Variants in ACYP2 observed in about 807,000 individuals in gnomAD.
ACYP2 encodes the protein acylphosphatase 2, also known as acylphosphatase-2.
In ACYP2, 12 loss-of-function variants were observed where a neutral mutation model predicts 11.2. That is an observed-to-expected ratio of 1.08 (90% confidence interval 0.69 to 1.74). The LOEUF is 1.74. Ranked by LOEUF, ACYP2 falls within the 40% of genes most tolerant of loss-of-function variation. ACYP2 has a pLI of 0.00. For missense variants in ACYP2, 134 were observed against 101.9 expected (o/e 1.31, Z -1.35); for synonymous variants, 43 against 32.2 (o/e 1.33, Z -1.13).
At chr2:54,056,237 T>C (rs1676144425) in intron 3 of ACYP2, among the ~76,000 whole-genome samples, 1 of 152,216 alleles carries the variant, frequency 6.6e-6, no homozygotes, top group Non-Finnish European at 1.5e-5. Flanking sequence ...CCTAAGTTTA[T>C]CTGCTTATCT....
At chr2:54,260,314 G>A (rs994174146) in intron 6 of ACYP2, among the ~76,000 whole-genome samples, 2 of 152,134 alleles carry the variant, frequency 1.3e-5, no homozygotes, top group African/African-American at 4.8e-5. Flanking sequence ...TGAGGACAGA[G>A]AAGAAGGTAT....
chr2:54,032,456 G>A (rs939647700), intron 2 of ACYP2, among the ~76,000 whole-genome samples: 6 of 152,158 alleles, frequency 3.9e-5, no homozygotes, highest in African/African-American at 1.4e-4. Context: ...TTTTATTTCT[G>A]AGGGCTCTTT....
intron 4 of ACYP2, among the ~76,000 whole-genome samples, chr2:54,106,117 C>T (rs1375524843): frequency 6.6e-6 from 1 of 152,128 alleles, no homozygotes; most frequent in Non-Finnish European, 1.5e-5. Flanking sequence ...ATGTACTATT[C>T]ATGGACTCAA....
intron 6 of ACYP2, among the ~76,000 whole-genome samples, chr2:54,156,758 C>T (rs529775820): frequency 1.8e-4 from 28 of 152,118 alleles, no homozygotes; most frequent in Middle Eastern, 3.4e-3. Flanking sequence ...CTCCACCTCC[C>T]GGGTTCAAGC....
intron 6 of ACYP2, among the ~76,000 whole-genome samples, chr2:54,236,543 T>A (rs1022222170): frequency 6.6e-6 from 1 of 152,214 alleles, no homozygotes; most frequent in African/African-American, 2.4e-5. Context: ...AATTTCTTTA[T>A]GGTAAAATAA....
intron 6 of ACYP2, among the ~76,000 whole-genome samples, chr2:54,233,647 C>G (rs979178037): frequency 3.9e-5 from 6 of 151,998 alleles, no homozygotes; most frequent in Admixed American, 2.0e-4. Flanking sequence ...TGTCTCCAGC[C>G]CCTTCCCTCC....
rs139893759 is a variant in ACYP2 at position 54,108,804 on chromosome 2, C to G, written c.278-26649C>G. On this transcript the variant is annotated intron_variant, in intron 4 of 6. Coordinates refer to ENST00000607452, the MANE Select transcript of ACYP2 (RefSeq NM_001320586.2). ...GATGTAATATTAACTTTACCTTTTT[C>G]TCACTCAATACCTTCAGATGCCTAC... is the stretch of plus-strand genomic sequence containing the variant. Among the ~76,000 whole-genome samples the G allele has an allele frequency of 3.4e-3, 518 of 152,244 alleles. 6 individuals are homozygous for G. Among genetic ancestry groups the G allele is most frequent in the African/African-American group, 0.012 (495 of 41,540 alleles).
chr2:54,163,921 G>C (rs568003183), intron 6 of ACYP2, among the ~76,000 whole-genome samples: 1 of 152,254 alleles, frequency 6.6e-6, no homozygotes, highest in African/African-American at 2.4e-5. Flanking sequence ...CATTGTGCTA[G>C]GCACTTTAGG....
chr2:54,159,740 A>G (rs1682622260), intron 6 of ACYP2, among the ~76,000 whole-genome samples: 1 of 152,060 alleles, frequency 6.6e-6, no homozygotes, highest in African/African-American at 2.4e-5. Context: ...CACAGTGGGA[A>G]GAGTGCTCCT....
intron 4 of ACYP2, among the ~76,000 whole-genome samples, chr2:54,070,619 T>A (rs1003140662): frequency 1.3e-5 from 2 of 152,218 alleles, no homozygotes; most frequent in Non-Finnish European, 2.9e-5. Flanking sequence ...GCCCTCTGTG[T>A]TCCAGGGAAA....
chr2:54,251,175 G>A (rs1687206516), intron 6 of ACYP2, among the ~76,000 whole-genome samples: 1 of 152,216 alleles, frequency 6.6e-6, no homozygotes, highest in South Asian at 2.1e-4. Flanking sequence ...ACTAAGAGTT[G>A]ATGGCCCATG....
chr2:54,069,842 T>C (rs1473604297), intron 4 of ACYP2, among the ~76,000 whole-genome samples: 1 of 152,196 alleles, frequency 6.6e-6, no homozygotes, highest in Non-Finnish European at 1.5e-5. Context: ...GTTAGCAAGT[T>C]ATATGTGTTT....
chr2:54,141,176 G>A (rs1049109347), intron 6 of ACYP2, among the ~76,000 whole-genome samples: 5 of 152,046 alleles, frequency 3.3e-5, no homozygotes, highest in Non-Finnish European at 7.4e-5. Flanking sequence ...AAAGCTCTTT[G>A]TATATTGGTT....
intron 6 of ACYP2, among the ~76,000 whole-genome samples, chr2:54,302,491 C>A (rs922139130): frequency 1.3e-5 from 2 of 152,246 alleles, no homozygotes; most frequent in Non-Finnish European, 2.9e-5. Context: ...CATTGGAGAA[C>A]CCCCAAAGTA....
intron 6 of ACYP2, among the ~76,000 whole-genome samples, chr2:54,289,265 A>G (rs2104137787): frequency 6.6e-6 from 1 of 152,070 alleles, no homozygotes; most frequent in African/African-American, 2.4e-5. Context: ...ACTTGGATAT[A>G]TTGATGACGT....
At chr2:54,051,123 A>G (rs17189617) in intron 3 of ACYP2, 3 of 663,882 alleles carry the variant, frequency 4.5e-6, no homozygotes, top group Admixed American at 2.4e-5. Flanking sequence ...ATTGCAGTAC[A>G]CTGAACTCCA....
At position 54,261,679 on chromosome 2, in the gene ACYP2, A is replaced by G. The variant is rs555688400; in HGVS notation, c.405-43009A>G. Reference sequence around the variant, plus strand: ...CCTCTCTCTTGACTTAAATTCTTTAAACAACATTGTTTATATAGTGATTTA... The same window carrying G: ...CCTCTCTCTTGACTTAAATTCTTTAGACAACATTGTTTATATAGTGATTTA... On this transcript the variant is annotated intron_variant, in intron 6 of 6. Coordinates refer to ENST00000607452, the MANE Select transcript of ACYP2 (RefSeq NM_001320586.2). Among the ~76,000 whole-genome samples, 315 of 152,286 alleles carry G rather than the reference A, an allele frequency of 2.1e-3. 1 individual carries two copies. The highest frequency in any genetic ancestry group is 7.3e-3 in the African/African-American group (303 of 41,566).
intron 6 of ACYP2, among the ~76,000 whole-genome samples, chr2:54,276,788 G>A (rs1688612353): frequency 6.6e-6 from 1 of 152,080 alleles, no homozygotes; most frequent in Admixed American, 6.5e-5. Context: ...AAGAATGAAA[G>A]CCATTCTTAT....
intron 6 of ACYP2, chr2:54,255,234 G>A (rs1245768770): frequency 1.9e-6 from 3 of 1,614,052 alleles, no homozygotes; most frequent in Middle Eastern, 1.6e-4. Context: ...CAATCAGCTT[G>A]TTTCTGAAGT....
Sources: allele counts gnomAD v4.1 joint callset (sites outside exome capture counted in the v4.1 genomes callset), GRCh38; gene constraint gnomAD v4.1.1; transcripts MANE v1.5; gene names NCBI Gene and HGNC (gene_info 2026-07-23, HGNC 2026-07-21).